SH2D5: variants seen among roughly 807,000 people sequenced by gnomAD.
SH2D5 encodes the protein SH2 domain containing 5.
A neutral mutation model predicts 48.2 loss-of-function variants in SH2D5; 45 were observed. The ratio of observed to expected loss-of-function variants is 0.93; its 90% CI spans 0.73 to 1.20. The LOEUF (loss-of-function observed/expected upper bound fraction) is 1.20. Among genes scored for constraint, SH2D5 ranks in the 50% most tolerant of loss-of-function variants. SH2D5 has a pLI of 0.00. For missense variants in SH2D5, 538 were observed against 584.1 expected (o/e 0.92, Z 0.81); for synonymous variants, 230 against 249.8 (o/e 0.92, Z 0.75).
rs1277654633 is a variant in SH2D5 at position 20,719,858 on chromosome 1, C to T, written c.*1934G>A. ...AAGACATGGAGTCTGCAAACAGGGG[C>T]CAAAAACCTTGCCCTCTCTGTAACA... On this transcript the variant is annotated 3_prime_UTR_variant, in exon 10 of 10. Transcript: ENST00000444387. The T allele has an allele frequency of 6.6e-6, 1 of 152,146 alleles. No individual in the cohort carries two copies. Among genetic ancestry groups the T allele is most frequent in the African/African-American group, 2.4e-5 (1 of 41,410 alleles). The allele number at this position is 152,146 out of a possible 1,614,324, so 9.4% of individuals were successfully genotyped here. A position where few individuals can be genotyped will look rare whatever the true frequency, so the allele number is the denominator to read the frequency against.
At chr1:20,723,002 C>A in intron 8 of SH2D5, 87 bp from the exon 9 acceptor site, 1 of 1,287,568 alleles carries the variant, frequency 7.8e-7, no homozygotes, top group Non-Finnish European at 1.0e-6. Flanking sequence ...AGGCAGCCTG[C>A]GGATTAAATG....
At position 20,722,769 on chromosome 1, in the gene SH2D5, C is replaced by T. The variant is rs376876214; in HGVS notation, c.1055G>A (p.Arg352His). 71 of 1,523,248 alleles carry T rather than the reference C, an allele frequency of 4.7e-5. No homozygotes were observed. Among genetic ancestry groups the T allele is most frequent in the East Asian group, 1.5e-4 (6 of 40,122 alleles). 94.4% of individuals were successfully genotyped at this position (1,523,248 alleles called of 1,614,324 possible). Residue 352 changes from arginine (R) to histidine (H), a missense_variant, in exon 9 of 10, where the codon CGC becomes CAC. Physicochemically the swap from Arg to His is conservative, Grantham distance 29. Coordinates refer to ENST00000444387, the MANE Select transcript of SH2D5 (RefSeq NM_001103161.2). ...CTGCGCTCTTACCTCCAAGCAGTAG[C>T]GGCCCAGGTGGTTCCGGAAGACCTG... ...PHQVFRNHLG[R>H]YCLEHLPAEF...
chr1:20,727,678 C>T (rs2054828569), intron 2 of SH2D5, 75 bp from the exon 3 acceptor site: 1 of 1,335,510 alleles, frequency 7.5e-7, no homozygotes, highest in Admixed American at 2.1e-5. Flanking sequence ...TCCAAATTCC[C>T]CCCAAACACA....
intron 5 of SH2D5, among the ~76,000 whole-genome samples, chr1:20,725,306 A>G (rs1020776754): frequency 6.6e-6 from 1 of 152,218 alleles, no homozygotes; most frequent in Non-Finnish European, 1.5e-5. Context: ...GATGACAGCA[A>G]ATGGTTGCTG....
Position 20,731,170 on chromosome 1 carries a change from G to A in SH2D5, c.-43+1011C>T, listed in dbSNP as rs936063622. 3.3e-5 allele frequency: 5 copies of A among 152,492 alleles called. No homozygotes were observed. The East Asian group carries it at 9.6e-4, about 29-fold the overall frequency. The allele number at this position is 152,492 out of a possible 1,614,324, so 9.4% of individuals were successfully genotyped here. A position where few individuals can be genotyped will look rare whatever the true frequency, so the allele number is the denominator to read the frequency against. ...TTGGTGGGGGTCCCTGCCAGTCCAC[G>A]AGGAGGTGAGGCAAGGAAGCCGCTG... On this transcript the variant is annotated intron_variant, in intron 1 of 9. Coordinates refer to ENST00000444387, the MANE Select transcript of SH2D5 (RefSeq NM_001103161.2).
chr1:20,722,810 G>T lies in SH2D5; in HGVS notation c.1014C>A (p.Cys338Ter), dbSNP rs771015433. The T allele has an allele frequency of 1.3e-6, 2 of 1,597,758 alleles. No homozygotes were observed. The highest frequency in any genetic ancestry group is 2.3e-5 in the South Asian group (2 of 88,810). Residue 338 changes from cysteine (C) to a stop codon, truncating the protein, a stop_gained, in exon 9 of 10, where the codon TGC (cysteine) becomes TGA (stop). Transcript: ENST00000444387. LOFTEE classifies it high-confidence loss of function. ...GQWCLSVRTQ[C>*]GVVPHQVFRN... ...GGAAGACCTGGTGGGGCACCACGCC[G>T]CACTGCGTGCGCACGGACAGACACC...
In SH2D5 at chr1:20,722,923, C is replaced by A; in HGVS notation, c.909-8G>T. 1 of 1,564,540 alleles carries A rather than the reference C, an allele frequency of 6.4e-7. No individual in the cohort carries two copies. The highest frequency in any genetic ancestry group is 8.7e-7 in the Non-Finnish European group (1 of 1,154,032). ...AGGGCCAGGGCACAGGGCCTAGGAGCACAGAGGGGAGAGAGTAAAGGCTGG... is the reference window on the plus strand; with the variant it reads ...AGGGCCAGGGCACAGGGCCTAGGAGAACAGAGGGGAGAGAGTAAAGGCTGG... On this transcript the variant is annotated splice_region_variant and splice_polypyrimidine_tract_variant and intron_variant, in intron 8 of 9. Coordinates refer to ENST00000444387, the MANE Select transcript of SH2D5 (RefSeq NM_001103161.2).
At chr1:20,726,737 T>A (rs369382055) in intron 4 of SH2D5, among the ~76,000 whole-genome samples, 3 of 152,126 alleles carry the variant, frequency 2.0e-5, no homozygotes, top group Non-Finnish European at 4.4e-5. Flanking sequence ...GGGCTGGATG[T>A]TCCTGATGCT....
Position 20,727,055 on chromosome 1 carries a change from G to C in SH2D5, c.189C>G (p.Ala63=). 1 of 1,611,932 alleles carries C rather than the reference G, an allele frequency of 6.2e-7. No homozygotes were observed. The part of the protein sequence containing the change: ...WALKDCPRRR[A]VILKFSLQGL... ...CCTGAAGGCTGAATTTCAGGATGAC[G>C]GCCCGGCGTCGGGGACAGTCCTGGG... The change falls in exon 4 of 10, where the codon GCC becomes GCG. Residue 63 remains alanine (A), a synonymous_variant. Coordinates refer to ENST00000444387, the MANE Select transcript of SH2D5 (RefSeq NM_001103161.2).
chr1:20,731,520 C>T (rs979786416), intron 1 of SH2D5: 2 of 152,462 alleles, frequency 1.3e-5, no homozygotes, highest in African/African-American at 4.8e-5. Context: ...GCCCCGCCGC[C>T]GGTGGACGAA....
chr1:20,724,322 G>T, intron 6 of SH2D5, 71 bp from the exon 7 acceptor site: 1 of 1,600,968 alleles, frequency 6.2e-7, no homozygotes, highest in Non-Finnish European at 8.5e-7. Context: ...TGAAGCCCCT[G>T]CCCTGACATG....
Position 20,721,759 on chromosome 1 carries a change from G to A in SH2D5, c.*33C>T, listed in dbSNP as rs2054688981. ...GCTGCTGGGGCCCAGGAGCCGGGGT[G>A]AGGCGGGGCCTGTGGGACCGGGGCC... On this transcript the variant is annotated 3_prime_UTR_variant, in exon 10 of 10. Transcript: ENST00000444387. The A allele has an allele frequency of 6.8e-6, 10 of 1,472,914 alleles. No individual in the cohort carries two copies. Among genetic ancestry groups the A allele is most frequent in the Non-Finnish European group, 9.0e-6 (10 of 1,105,936 alleles). 91.2% of individuals were successfully genotyped at this position (1,472,914 alleles called of 1,614,324 possible). A position where few individuals can be genotyped will look rare whatever the true frequency, so the allele number is the denominator to read the frequency against.
Position 20,721,953 on chromosome 1 carries a change from T to C in SH2D5, c.1111A>G (p.Asn371Asp). ...EFPSLEALVE[N>D]HAVTERSLFC... ...AGGCTACGTTCAGTAACCGCGTGGTTCTCCACCAGAGCCTCCAGGCTGGGG... is the reference window on the plus strand; with the variant it reads ...AGGCTACGTTCAGTAACCGCGTGGTCCTCCACCAGAGCCTCCAGGCTGGGG... Residue 371 changes from asparagine (N) to aspartate (D), a missense_variant, in exon 10 of 10, where the codon AAC becomes GAC. By Grantham distance (23) the Asn-to-Asp change is conservative. Coordinates refer to ENST00000444387, the MANE Select transcript of SH2D5 (RefSeq NM_001103161.2). The C allele has an allele frequency of 6.2e-7, 1 of 1,613,054 alleles. No individual in the cohort carries two copies. The highest frequency in any genetic ancestry group is 8.5e-7 in the Non-Finnish European group (1 of 1,179,928).
rs1365333877 is a variant in SH2D5 at position 20,720,956 on chromosome 1, C to G, written c.*836G>C. On this transcript the variant is annotated 3_prime_UTR_variant, in exon 10 of 10. Coordinates refer to ENST00000444387, the MANE Select transcript of SH2D5 (RefSeq NM_001103161.2). ...CTCTAAGCCTGCAGCTCACTGCTGG[C>G]CCCTCCCTGTCAAATGGCTAAAGGA... 1 of 152,358 alleles carries G rather than the reference C, an allele frequency of 6.6e-6. No individual in the cohort carries two copies. Among genetic ancestry groups the G allele is most frequent in the African/African-American group, 2.4e-5 (1 of 41,460 alleles). The allele number at this position is 152,358 out of a possible 1,614,324, so 9.4% of individuals were successfully genotyped here. A position where few individuals can be genotyped will look rare whatever the true frequency, so the allele number is the denominator to read the frequency against.
intron 5 of SH2D5, among the ~76,000 whole-genome samples, chr1:20,725,514 C>CCT (rs2054777457): frequency 1.3e-5 from 2 of 152,310 alleles, no homozygotes; most frequent in African/African-American, 2.4e-5. Context: ...ACGATGGTAG[C>CCT]GTGCAGTTCA....
At chr1:20,727,144 G>A in intron 3 of SH2D5, 69 bp from the exon 4 acceptor site, 3 of 1,367,672 alleles carry the variant, frequency 2.2e-6, no homozygotes, top group Non-Finnish European at 3.0e-6. Flanking sequence ...CCAGCCTCAG[G>A]ACCATCCACC....
At chr1:20,731,102 G>A (rs944726739) in intron 1 of SH2D5, 2 of 152,244 alleles carry the variant, frequency 1.3e-5, no homozygotes, top group Admixed American at 1.3e-4. Context: ...CTTTCTGCTC[G>A]GACTCCCCTC....
Position 20,721,473 on chromosome 1 carries a change from G to C in SH2D5, c.*319C>G, listed in dbSNP as rs1302698975. ...TGCCGTGAACAAGCTCCTGCCCCAG[G>C]AGTAAAGCAGAAGCCCAGAAGTCCC... is the stretch of plus-strand genomic sequence containing the variant. On this transcript the variant is annotated 3_prime_UTR_variant, in exon 10 of 10. Transcript: ENST00000444387. 1 of 317,120 alleles carries C rather than the reference G, an allele frequency of 3.2e-6. No homozygotes were observed. Among genetic ancestry groups the C allele is most frequent in the African/African-American group, 2.1e-5 (1 of 46,910 alleles). The allele number at this position is 317,120 out of a possible 1,614,324, so 19.6% of individuals were successfully genotyped here.
chr1:20,728,034 G>A lies in SH2D5; in HGVS notation c.11C>T (p.Ala4Val), dbSNP rs1042099179. 5.8e-6 allele frequency: 9 copies of A among 1,548,232 alleles called. No homozygotes were observed. Among genetic ancestry groups the A allele is most frequent in the East Asian group, 4.8e-5 (2 of 41,274 alleles). ...AGAGGCCCTGCGGCCCCCAGCCCCC[G>A]CCTTCTGCATGGCCCCCAGGGTGCC... Reference protein sequence around the residue: MQKAGAGGRRASDC... With the variant: MQKVGAGGRRASDC... The change falls in exon 2 of 10, where the codon GCG (alanine) becomes GTG (valine). Residue 4 changes from alanine (A) to valine (V), a missense_variant. Physicochemically the swap from Ala to Val is moderately conservative, Grantham distance 64 (BLOSUM62 0). Transcript: ENST00000444387. This position sits in a 1 kb window ranked among gnomAD's most constrained non-coding sequence, Gnocchi z 4.3.
Sources: allele counts gnomAD v4.1 joint callset (sites outside exome capture counted in the v4.1 genomes callset), GRCh38; gene constraint gnomAD v4.1.1; non-coding constraint Gnocchi (gnomAD v3.1); transcripts MANE v1.5; gene names NCBI Gene and HGNC (gene_info 2026-07-23, HGNC 2026-07-21).